AGPAT2: variants seen among roughly 807,000 people sequenced by gnomAD.
AGPAT2 encodes 1-acyl-sn-glycerol-3-phosphate acyltransferase beta.
Under a neutral mutation model 26.1 loss-of-function variants are expected in AGPAT2, and 18 were observed. The observed-to-expected ratio is 0.69, with a 90% CI of 0.48 to 1.02. The LOEUF (loss-of-function observed/expected upper bound fraction) is 1.02, where lower values mean the gene tolerates loss of function less well. Ranked by LOEUF, AGPAT2 falls within the 50% of genes least tolerant of loss-of-function variation. AGPAT2 has a pLI of 0.00. For missense variants in AGPAT2, 415 were observed against 394.9 expected, an observed-to-expected ratio of 1.05 and a Z score of -0.43; for synonymous variants, 200 against 174.2, an observed-to-expected ratio of 1.15 and a Z score of -1.16.
rs762040181 is a variant in AGPAT2, at chr9:136,677,457, G to A, written c.282C>T (p.Ile94=). 3.8e-5 allele frequency: 61 copies of A among 1,613,056 alleles called. No individual in the cohort carries two copies. The highest frequency in any genetic ancestry group is 5.0e-5 in the Admixed American group (3 of 60,010). The change falls in exon 2 of 6, where the codon ATC becomes ATT. Residue 94 remains isoleucine (I), a synonymous_variant. Coordinates refer to ENST00000371696, the MANE Select transcript of AGPAT2 (RefSeq NM_006412.4). ...RRLQEARPCV[I]VSNHQSILDM... is the part of the protein sequence containing the mutation. ...CCAGGATGCTCTGGTGGTTGGAGACGATGACACAGGGACGGGCCTCCTGCA... is the reference window on the plus strand; with the variant it reads ...CCAGGATGCTCTGGTGGTTGGAGACAATGACACAGGGACGGGCCTCCTGCA...
intron 1 of AGPAT2, among the ~76,000 whole-genome samples, chr9:136,679,747 T>C (rs917175797): frequency 6.6e-6 from 1 of 152,260 alleles, no homozygotes; most frequent in Non-Finnish European, 1.5e-5. Context: ...CTGGCACAGA[T>C]TAAAACGCCT....
At position 136,685,490 on chromosome 9, in the gene AGPAT2, C is replaced by CGAGGAGGCCGCCGAT. The variant is rs1430440920; in HGVS notation, c.182+1671_182+1685dup. ...GCAGAACAAGCCAGGCTTTCTCACA[C>CGAGGAGGCCGCCGAT]GAGGAGGCCGCCGATGAAGAGGCCC... On this transcript the variant is annotated intron_variant, in intron 1 of 5. Coordinates refer to ENST00000371696, the MANE Select transcript of AGPAT2 (RefSeq NM_006412.4). Among the ~76,000 whole-genome samples the CGAGGAGGCCGCCGAT allele has an allele frequency of 5.9e-5, 9 of 152,324 alleles. No individual in the cohort carries two copies. The South Asian group carries it at 8.3e-4, about 14-fold the overall frequency.
rs1164691436 is a variant in AGPAT2, at chr9:136,673,816, T to C, written c.773A>G (p.His258Arg). Reference sequence around the variant, plus strand: ...GTTCTCCTGGGGGGTCTTGGAGATGTGGAGGAAGGTGGTCCTCATGGCCCG... The same window carrying C: ...GTTCTCCTGGGGGGTCTTGGAGATGCGGAGGAAGGTGGTCCTCATGGCCCG... The part of the protein sequence containing the change: ...CHRAMRTTFL[H>R]ISKTPQENGA... Residue 258 changes from histidine (H) to arginine (R), a missense_variant, in exon 6 of 6, where the codon CAC becomes CGC. Coordinates refer to ENST00000371696, the MANE Select transcript of AGPAT2 (RefSeq NM_006412.4). 1 of 1,606,720 alleles carries C rather than the reference T, an allele frequency of 6.2e-7. No homozygotes were observed. The highest frequency in any genetic ancestry group is 8.5e-7 in the Non-Finnish European group (1 of 1,178,206).
At chr9:136,674,016 C>G (rs1846052139) in intron 5 of AGPAT2, 89 bp from the exon 6 acceptor site, 1 of 1,293,508 alleles carries the variant, frequency 7.7e-7, no homozygotes, top group Non-Finnish European at 1.0e-6. Flanking sequence ...CCCCAGCCCC[C>G]CACAGCCCCT....
intron 3 of AGPAT2, 64 bp from the exon 4 acceptor site, chr9:136,676,744 C>T: frequency 2.7e-6 from 4 of 1,499,216 alleles, no homozygotes; most frequent in Non-Finnish European, 3.7e-6. Context: ...GCCACGCCGC[C>T]TCGCCTCCTA....
intron 1 of AGPAT2, among the ~76,000 whole-genome samples, chr9:136,679,537 G>A (rs35083315): frequency 5.3e-5 from 8 of 152,054 alleles, no homozygotes; most frequent in Non-Finnish European, 8.8e-5. Context: ...CACACTCAGG[G>A]GAACTGCAGG....
intron 1 of AGPAT2, among the ~76,000 whole-genome samples, chr9:136,686,110 G>A (rs1314251872): frequency 6.6e-6 from 1 of 152,204 alleles, no homozygotes; most frequent in Admixed American, 6.5e-5. Context: ...CATATTCCTG[G>A]AGCTTCTGGG....
rs1588260622 is a variant in AGPAT2 at position 136,673,643 on chromosome 9, G to A, written c.*109C>T. ...GCTTCCCGGGCTGAGTGAGAGCTGG[G>A]GGAGCCGGACAGAGTGGTATTTGGA... On this transcript the variant is annotated 3_prime_UTR_variant, in exon 6 of 6. Transcript: ENST00000371696. 3.2e-6 allele frequency: 4 copies of A among 1,232,002 alleles called. No homozygotes were observed. The highest frequency in any genetic ancestry group is 2.2e-6 in the Non-Finnish European group (2 of 919,610). The allele number at this position is 1,232,002 out of a possible 1,614,324, so 76.3% of individuals were successfully genotyped here. A position where few individuals can be genotyped will look rare whatever the true frequency, so the allele number is the denominator to read the frequency against.
intron 1 of AGPAT2, among the ~76,000 whole-genome samples, chr9:136,680,674 A>T (rs976199444): frequency 6.6e-6 from 1 of 151,186 alleles, no homozygotes; most frequent in African/African-American, 2.5e-5. Flanking sequence ...ATCTTCATTT[A>T]TTTTTTATTT....
At chr9:136,676,850 G>A in intron 3 of AGPAT2, 111 bp downstream of exon 3, 1 of 1,369,890 alleles carries the variant, frequency 7.3e-7, no homozygotes, top group Non-Finnish European at 1.0e-6. Context: ...GCGGAGCATG[G>A]ATGATGTGGG....
intron 5 of AGPAT2, among the ~76,000 whole-genome samples, chr9:136,674,477 T>C (rs547238682): frequency 6.6e-6 from 1 of 152,354 alleles, no homozygotes; most frequent in South Asian, 2.1e-4. Context: ...TGTGCACAGC[T>C]GGGGTCCATC....
chr9:136,677,295 G>A, intron 2 of AGPAT2, 128 bp downstream of exon 2: 6 of 1,523,840 alleles, frequency 3.9e-6, no homozygotes, highest in East Asian at 2.4e-5. Flanking sequence ...CCCTGAGGGA[G>A]GTACTGAGGC....
chr9:136,675,183 T>C (rs191612875), intron 4 of AGPAT2, among the ~76,000 whole-genome samples: 4 of 152,074 alleles, frequency 2.6e-5, no homozygotes, highest in Admixed American at 2.6e-4. Flanking sequence ...GTCCTCTCCA[T>C]CTCAGGAAGC....
intron 1 of AGPAT2, among the ~76,000 whole-genome samples, chr9:136,679,847 G>A (rs994812638): frequency 2.0e-5 from 3 of 152,206 alleles, no homozygotes; most frequent in African/African-American, 7.2e-5. Flanking sequence ...TTCTGTGGAG[G>A]GCAGGTTGGC....
intron 1 of AGPAT2, among the ~76,000 whole-genome samples, chr9:136,685,418 T>G (rs1047995499): frequency 1.6e-4 from 25 of 152,172 alleles, no homozygotes. Context: ...AGGTGAACTG[T>G]GATTTGGTCC....
chr9:136,674,761 T>A lies in AGPAT2; in HGVS notation c.635A>T (p.Asn212Ile). The change falls in exon 5 of 6, where the codon AAC becomes ATC. Residue 212 changes from asparagine to isoleucine, a missense_variant. Transcript: ENST00000371696. ...VVYSSFSSFY[N>I]TKKKFFTSGT... ...TGAAGTGAAGAACTTCTTCTTGGTG[T>A]TGTAGAAGGAGGAGAAGGAAGAGTA... 1 of 1,524,212 alleles carries A rather than the reference T, an allele frequency of 6.6e-7. No individual in the cohort carries two copies. The highest frequency in any genetic ancestry group is 1.3e-5 in the South Asian group (1 of 78,064). The allele number at this position is 1,524,212 out of a possible 1,614,324, so 94.4% of individuals were successfully genotyped here.
intron 1 of AGPAT2, 66 bp downstream of exon 1, chr9:136,687,110 A>G: frequency 2.0e-6 from 3 of 1,498,884 alleles, no homozygotes; most frequent in Non-Finnish European, 2.7e-6. Context: ...GAAGCCCAGA[A>G]GAAAGTTAGG....
intron 1 of AGPAT2, among the ~76,000 whole-genome samples, chr9:136,685,297 G>A (rs1227997717): frequency 3.3e-5 from 5 of 152,332 alleles, no homozygotes; most frequent in African/African-American, 1.2e-4. Flanking sequence ...CCCAGGTCCC[G>A]AGGACACCCA....
intron 1 of AGPAT2, among the ~76,000 whole-genome samples, chr9:136,683,224 T>TA (rs199760953): frequency 2.2e-4 from 33 of 149,644 alleles, no homozygotes; most frequent in South Asian, 1.9e-3. Flanking sequence ...TCTCAAAAAA[T>TA]AAAAAAAAAA....
Sources: allele counts gnomAD v4.1 joint callset (sites outside exome capture counted in the v4.1 genomes callset), GRCh38; gene constraint gnomAD v4.1.1; transcripts MANE v1.5; gene names NCBI Gene and HGNC (gene_info 2026-07-23, HGNC 2026-07-21).